CCDC146: variants seen among roughly 807,000 people sequenced by gnomAD.
CCDC146 encodes coiled-coil domain containing 146, also known as coiled-coil domain-containing protein 146.
A neutral mutation model predicts 119.3 loss-of-function variants in CCDC146; 92 were observed. That is an observed-to-expected ratio of 0.77 (90% confidence interval 0.65 to 0.92). The LOEUF is 0.92. Ranked by LOEUF, CCDC146 falls within the 40% of genes least tolerant of loss-of-function variation. The probability of loss-of-function intolerance (pLI) is 0.00; values close to 1 mark genes in which losing one functional copy is unlikely to be tolerated. For missense variants in CCDC146, 1,000 were observed against 1,103.0 expected, an observed-to-expected ratio of 0.91 and a Z score of 1.32; for synonymous variants, 372 against 371.8, an observed-to-expected ratio of 1.00 and a Z score of -0.01.
intron 1 of CCDC146, among the ~76,000 whole-genome samples, chr7:77,153,886 A>G (rs980346812): frequency 1.3e-5 from 2 of 152,062 alleles, no homozygotes; most frequent in African/African-American, 2.4e-5. Flanking sequence ...AAAAATCACT[A>G]AAAACTGGAA....
At chr7:77,221,568 A>T (rs1223002529) in intron 2 of CCDC146, among the ~76,000 whole-genome samples, 1 of 151,974 alleles carries the variant, frequency 6.6e-6, no homozygotes, top group Non-Finnish European at 1.5e-5. Flanking sequence ...TTCATGCTGC[A>T]CCCCCACCCT....
chr7:77,251,822 C>A (rs1286181569), intron 4 of CCDC146, among the ~76,000 whole-genome samples: 1 of 152,146 alleles, frequency 6.6e-6, no homozygotes, highest in Non-Finnish European at 1.5e-5. Flanking sequence ...ATTGTCCAAT[C>A]TGAACAGAGA....
intron 14 of CCDC146, among the ~76,000 whole-genome samples, chr7:77,281,321 T>G (rs1431013438): frequency 6.6e-6 from 1 of 152,214 alleles, no homozygotes; most frequent in African/African-American, 2.4e-5. Context: ...AAGTTTGGTC[T>G]TATTATATTT....
chr7:77,208,600 A>G (rs750158143), intron 2 of CCDC146, among the ~76,000 whole-genome samples: 3 of 152,234 alleles, frequency 2.0e-5, no homozygotes, highest in Non-Finnish European at 4.4e-5. Context: ...GCTATGTTAG[A>G]TATATGCTGC....
chr7:77,269,678 A>G (rs940539505), intron 9 of CCDC146, among the ~76,000 whole-genome samples: 1 of 152,270 alleles, frequency 6.6e-6, no homozygotes. Context: ...TATTAAGTCC[A>G]CAAAATAGCA....
At chr7:77,259,698 C>T (rs1793250978) in intron 7 of CCDC146, among the ~76,000 whole-genome samples, 1 of 152,168 alleles carries the variant, frequency 6.6e-6, no homozygotes, top group Non-Finnish European at 1.5e-5. Flanking sequence ...AGGTCAGTTT[C>T]AGGAGGCTGG....
chr7:77,131,457 C>A (rs1469021295), intron 1 of CCDC146, among the ~76,000 whole-genome samples: 1 of 152,056 alleles, frequency 6.6e-6, no homozygotes, highest in Non-Finnish European at 1.5e-5. Context: ...GTGGCTCACA[C>A]CTGTAATCTC....
At chr7:77,185,698 G>C (rs1791656916) in intron 2 of CCDC146, among the ~76,000 whole-genome samples, 1 of 152,174 alleles carries the variant, frequency 6.6e-6, no homozygotes, top group Admixed American at 6.5e-5. Context: ...AGACAAACAT[G>C]CACAAGCGTC....
At position 77,230,218 on chromosome 7, in the gene CCDC146, C is replaced by CT. The variant is rs200852735; in HGVS notation, c.157-6720dup. On this transcript the variant is annotated intron_variant, in intron 2 of 18. Coordinates refer to ENST00000285871, the MANE Select transcript of CCDC146 (RefSeq NM_020879.3). ...ATTGATGGACTTGTAGGTTGTTTCT[C>CT]TTTTTTTTTACTATTATGAATGACG... is the stretch of plus-strand genomic sequence containing the variant. Among the ~76,000 whole-genome samples, 58 of 151,422 alleles carry CT rather than the reference C, an allele frequency of 3.8e-4. No homozygotes were observed. In the East Asian group the frequency reaches 4.1e-3, roughly 11 times the overall value.
rs771291448 is a variant in CCDC146, at chr7:77,196,544, T to C, written c.156+28720T>C. On this transcript the variant is annotated intron_variant, in intron 2 of 18. Transcript: ENST00000285871. The surrounding 1 kb of genome is among the most constrained non-coding windows in gnomAD (Gnocchi z 4.2). Reference sequence around the variant, plus strand: ...ATCTGGAGTGGTGAAAAACTTCAGATCGTGGTTGTAATGTTTGTTGAAACG... The same window carrying C: ...ATCTGGAGTGGTGAAAAACTTCAGACCGTGGTTGTAATGTTTGTTGAAACG... The C allele has an allele frequency of 6.2e-7, 1 of 1,614,178 alleles. No homozygotes were observed. Among genetic ancestry groups the C allele is most frequent in the Non-Finnish European group, 8.5e-7 (1 of 1,180,006 alleles).
At chr7:77,286,434 G>A (rs7785997) in intron 15 of CCDC146, among the ~76,000 whole-genome samples, 17,449 of 152,032 alleles carry the variant, frequency 0.11, 1,120 homozygotes, top group African/African-American at 0.16. Context: ...AGATTTGGAG[G>A]GGGACACATC....
At chr7:77,213,410 A>G (rs535200818) in intron 2 of CCDC146, among the ~76,000 whole-genome samples, 5 of 152,114 alleles carry the variant, frequency 3.3e-5, no homozygotes, top group Non-Finnish European at 7.4e-5. Context: ...ATGTTTTGAT[A>G]CTTATAATGT....
chr7:77,141,776 G>C (rs1790936779), intron 1 of CCDC146, among the ~76,000 whole-genome samples: 2 of 152,038 alleles, frequency 1.3e-5, no homozygotes, highest in African/African-American at 2.4e-5. Context: ...TTTTTTTCTT[G>C]TAAATTTGTT....
chr7:77,135,124 A>G (rs1379799702), intron 1 of CCDC146, among the ~76,000 whole-genome samples: 1 of 152,206 alleles, frequency 6.6e-6, no homozygotes, highest in Non-Finnish European at 1.5e-5. Flanking sequence ...GTTTTTCTTA[A>G]TCTTTCTTAA....
At chr7:77,246,141 G>A (rs1054540620) in intron 4 of CCDC146, among the ~76,000 whole-genome samples, 5 of 152,168 alleles carry the variant, frequency 3.3e-5, no homozygotes, top group African/African-American at 1.2e-4. Flanking sequence ...GCCCTGACTG[G>A]TCAGTCACCA....
intron 6 of CCDC146, among the ~76,000 whole-genome samples, chr7:77,257,528 C>T (rs1408325347): frequency 6.6e-6 from 1 of 152,120 alleles, no homozygotes; most frequent in African/African-American, 2.4e-5. Flanking sequence ...GCTTCAGGCC[C>T]CTCACTTGCA....
rs780583784 is a variant in CCDC146, at chr7:77,196,939, G to A, written c.156+29115G>A. ...CTCTGTAGGTCTCACTGCTTCTTTT[G>A]CCTATTGCGTAGTAGTCAGAGCAAT... On this transcript the variant is annotated intron_variant, in intron 2 of 18. Transcript: ENST00000285871. This position sits in a 1 kb window ranked among gnomAD's most constrained non-coding sequence, Gnocchi z 4.2. 75 of 1,613,056 alleles carry A rather than the reference G, an allele frequency of 4.6e-5. No homozygotes were observed. In the South Asian group the frequency reaches 8.1e-4, roughly 17 times the overall value.
chr7:77,139,059 A>T (rs746052869), intron 1 of CCDC146, among the ~76,000 whole-genome samples: 24 of 152,250 alleles, frequency 1.6e-4, no homozygotes, highest in Non-Finnish European at 2.5e-4. Context: ...ATCTGCACAT[A>T]GATGTTTAAG....
intron 14 of CCDC146, 53 bp downstream of exon 14, chr7:77,280,706 C>A: frequency 1.6e-6 from 2 of 1,235,696 alleles, no homozygotes; most frequent in South Asian, 2.7e-5. Flanking sequence ...AGGAATGTCA[C>A]CTCTTTTTCT....
Sources: gnomAD v4.1 joint callset for allele counts (sites outside exome capture counted in the v4.1 genomes callset) on GRCh38, gnomAD v4.1.1 for gene constraint, Gnocchi (gnomAD v3.1) non-coding constraint, MANE v1.5 for transcripts, NCBI Gene and HGNC (gene_info 2026-07-23, HGNC 2026-07-21) for gene names.